XKR4: variants seen among roughly 807,000 people sequenced by gnomAD.
The protein encoded by XKR4 is XK related 4.
Under a neutral mutation model 53.9 loss-of-function variants are expected in XKR4, and 12 were observed. That is an observed-to-expected ratio of 0.22 (90% CI 0.14 to 0.36). The LOEUF (loss-of-function observed/expected upper bound fraction) is 0.36. Ranked by LOEUF, XKR4 falls within the 10% of genes least tolerant of loss-of-function variation. The probability of loss-of-function intolerance (pLI) is 1.00; values close to 1 mark genes in which losing one functional copy is unlikely to be tolerated. For synonymous variants in XKR4, 354 were observed against 362.4 expected, an observed-to-expected ratio of 0.98 and a Z score of 0.26; for missense variants, 799 against 859.5, an observed-to-expected ratio of 0.93 and a Z score of 0.88.
intron 1 of XKR4, among the ~76,000 whole-genome samples, chr8:55,239,319 G>GA (rs1349556286): frequency 2.6e-5 from 4 of 152,190 alleles, no homozygotes; most frequent in Admixed American, 2.0e-4. Flanking sequence ...TGTTCAGATA[G>GA]AAAAGGAAGG....
chr8:55,326,818 G>A (rs556247751), intron 1 of XKR4, among the ~76,000 whole-genome samples: 1 of 151,916 alleles, frequency 6.6e-6, no homozygotes, highest in South Asian at 2.1e-4. Flanking sequence ...TGAGTTATGA[G>A]CTTAGGCAGC....
intron 2 of XKR4, among the ~76,000 whole-genome samples, chr8:55,499,610 G>A (rs563537639): frequency 6.6e-6 from 1 of 152,332 alleles, no homozygotes; most frequent in South Asian, 2.1e-4. Flanking sequence ...GACCTATTGT[G>A]AGATGGCCCC....
At chr8:55,180,267 G>A (rs1055675089) in intron 1 of XKR4, among the ~76,000 whole-genome samples, 4 of 152,206 alleles carry the variant, frequency 2.6e-5, no homozygotes, top group Admixed American at 1.3e-4. Flanking sequence ...GCATGGAGTG[G>A]TGTGTGAATA....
intron 2 of XKR4, among the ~76,000 whole-genome samples, chr8:55,462,813 G>A (rs537802159): frequency 2.0e-4 from 30 of 152,244 alleles, no homozygotes; most frequent in African/African-American, 6.7e-4. Flanking sequence ...AAAAAAGGCA[G>A]GGGTTGCAAT....
At chr8:55,297,391 A>G (rs1010294187) in intron 1 of XKR4, among the ~76,000 whole-genome samples, 1 of 152,222 alleles carries the variant, frequency 6.6e-6, no homozygotes, top group Non-Finnish European at 1.5e-5. Context: ...CTGTTTCTGC[A>G]TAAAATATTT....
At chr8:55,275,608 C>G (rs926011575) in intron 1 of XKR4, among the ~76,000 whole-genome samples, 4 of 152,180 alleles carry the variant, frequency 2.6e-5, no homozygotes, top group African/African-American at 9.7e-5. Flanking sequence ...TCCCCCATTG[C>G]AGAATCTAGA....
chr8:55,490,094 T>G (rs1380476211), intron 2 of XKR4, among the ~76,000 whole-genome samples: 2 of 152,062 alleles, frequency 1.3e-5, no homozygotes, highest in Non-Finnish European at 2.9e-5. Context: ...TCTTTATTAC[T>G]TTGCATACAT....
intron 2 of XKR4, among the ~76,000 whole-genome samples, chr8:55,476,091 A>G (rs1460271267): frequency 6.6e-6 from 1 of 152,002 alleles, no homozygotes; most frequent in Non-Finnish European, 1.5e-5. Context: ...TACTTGAAAA[A>G]CATGCTGATA....
At chr8:55,246,122 G>T (rs1009664109) in intron 1 of XKR4, among the ~76,000 whole-genome samples, 1 of 152,058 alleles carries the variant, frequency 6.6e-6, no homozygotes, top group Non-Finnish European at 1.5e-5. Context: ...CATAGCCTCT[G>T]CCTTTGTGTT....
At chr8:55,345,601 A>G (rs973685418) in intron 1 of XKR4, among the ~76,000 whole-genome samples, 4 of 152,194 alleles carry the variant, frequency 2.6e-5, no homozygotes, top group Non-Finnish European at 5.9e-5. Flanking sequence ...AAGTGTGCTT[A>G]AAAAGGAAAA....
Position 55,516,196 on chromosome 8 carries a change from T to A in XKR4, c.1007-7085T>A, listed in dbSNP as rs140130601. ...TGCTTGTTCCTTCTTAATTTGTCTA[T>A]GATTATGAGCCTCATATGCACTAAA... On this transcript the variant is annotated intron_variant, in intron 2 of 2. Coordinates refer to ENST00000327381, the MANE Select transcript of XKR4 (RefSeq NM_052898.2). Among the ~76,000 whole-genome samples the A allele has an allele frequency of 5.3e-3, 813 of 152,350 alleles. 20 individuals carry two copies. The highest frequency in any genetic ancestry group is 0.046 in the Admixed American group (703 of 15,306).
At chr8:55,435,811 T>G (rs1217666066) in intron 2 of XKR4, among the ~76,000 whole-genome samples, 1 of 152,108 alleles carries the variant, frequency 6.6e-6, no homozygotes, top group East Asian at 1.9e-4. Flanking sequence ...CAAGCGATCC[T>G]CCTTCCTGGG....
chr8:55,499,284 C>G (rs941413495), intron 2 of XKR4, among the ~76,000 whole-genome samples: 1 of 152,130 alleles, frequency 6.6e-6, no homozygotes, highest in Admixed American at 6.5e-5. Context: ...TTTTAAATGC[C>G]TGGAGCATAG....
intron 2 of XKR4, among the ~76,000 whole-genome samples, chr8:55,478,214 C>T (rs1193357171): frequency 6.6e-6 from 1 of 152,120 alleles, no homozygotes; most frequent in African/African-American, 2.4e-5. Context: ...GGCAGAAACT[C>T]TACAAACCAG....
chr8:55,497,014 C>T (rs1036192895), intron 2 of XKR4, among the ~76,000 whole-genome samples: 3 of 152,206 alleles, frequency 2.0e-5, no homozygotes, highest in African/African-American at 7.2e-5. Flanking sequence ...CCTAATCCTA[C>T]ACCTCAATGT....
chr8:55,292,938 G>A, intron 1 of XKR4, among the ~76,000 whole-genome samples: 1 of 152,140 alleles, frequency 6.6e-6, no homozygotes, highest in East Asian at 1.9e-4. Context: ...GTGTTTGGAG[G>A]TTTCCCTGTC....
At chr8:55,116,970 G>A (rs983356898) in intron 1 of XKR4, among the ~76,000 whole-genome samples, 1 of 152,066 alleles carries the variant, frequency 6.6e-6, no homozygotes, top group African/African-American at 2.4e-5. Context: ...AAATACCCAA[G>A]GGATCTTAAA....
intron 2 of XKR4, among the ~76,000 whole-genome samples, chr8:55,484,391 T>C (rs1806161809): frequency 6.6e-6 from 1 of 152,204 alleles, no homozygotes; most frequent in Non-Finnish European, 1.5e-5. Context: ...GATTAATATC[T>C]CTCATGAACA....
At chr8:55,350,025 TACAC>T (rs752141491) in intron 1 of XKR4, among the ~76,000 whole-genome samples, 1 of 152,058 alleles carries the variant, frequency 6.6e-6, no homozygotes, top group Admixed American at 6.6e-5. Flanking sequence ...CACACACACA[TACAC>T]ACACACACTT....
Sources: allele counts gnomAD v4.1 joint callset (sites outside exome capture counted in the v4.1 genomes callset), GRCh38; gene constraint gnomAD v4.1.1; transcripts MANE v1.5; gene names NCBI Gene and HGNC (gene_info 2026-07-23, HGNC 2026-07-21).